Variants in CAPN1 observed in about 807,000 individuals in gnomAD.
CAPN1 encodes calpain-1 catalytic subunit.
CAPN1 carries 77 observed loss-of-function variants against 105.2 expected under a neutral mutation model. The ratio of observed to expected loss-of-function variants is 0.73; its 90% CI spans 0.61 to 0.88. The LOEUF is 0.88. CAPN1 is among the 40% of genes least tolerant of loss of function. The pLI is 0.00. For synonymous variants in CAPN1, 355 were observed against 388.8 expected (o/e 0.91, Z 1.02); for missense variants, 833 against 976.6 (o/e 0.85, Z 1.96).
At chr11:65,207,341 A>G (rs1305915455) in intron 14 of CAPN1, among the ~76,000 whole-genome samples, 1 of 151,542 alleles carries the variant, frequency 6.6e-6, no homozygotes, top group South Asian at 2.1e-4. Flanking sequence ...CTGGGATTAC[A>G]GGCGCACGTT....
At chr11:65,183,877 G>A (rs932182496) in intron 4 of CAPN1, among the ~76,000 whole-genome samples, 4 of 152,234 alleles carry the variant, frequency 2.6e-5, no homozygotes, top group South Asian at 4.1e-4. Flanking sequence ...CACTCCTCCC[G>A]GAGGTCGGTC....
chr11:65,195,698 T>G (rs764508430), intron 10 of CAPN1, among the ~76,000 whole-genome samples: 13 of 152,162 alleles, frequency 8.5e-5, no homozygotes, highest in Non-Finnish European at 1.0e-4. Context: ...GTCTGTAATC[T>G]TCTTTCCTTG....
At chr11:65,207,042 C>T (rs1194758354) in intron 14 of CAPN1, among the ~76,000 whole-genome samples, 5 of 152,170 alleles carry the variant, frequency 3.3e-5, no homozygotes, top group Admixed American at 2.0e-4. Flanking sequence ...CACCCGGTGG[C>T]GGGTTTGTGC....
upstream of CAPN1, chr11:65,181,782 C>A: frequency 8.5e-6 from 2 of 236,508 alleles, no homozygotes; most frequent in South Asian, 6.7e-5. The surrounding 1 kb of genome is among the most constrained non-coding windows in gnomAD (Gnocchi z 4.6). Flanking sequence ...GGGGAGACAC[C>A]GTGAGTAAGA....
chr11:65,210,518 G>A lies in CAPN1; in HGVS notation c.2059+66G>A, dbSNP rs1254681906. On this transcript the variant is annotated intron_variant, in intron 20 of 21. Transcript: ENST00000279247. The surrounding 1 kb of genome is among the most constrained non-coding windows in gnomAD (Gnocchi z 4.3). ...CAAACGCGTCCCCCAGGAGCTGGGG[G>A]GAATGACAGATGGGTGAATTAGCAG... is the stretch of plus-strand genomic sequence containing the variant. 2.1e-6 allele frequency: 2 copies of A among 968,258 alleles called. No individual in the cohort carries two copies. Among genetic ancestry groups the A allele is most frequent in the East Asian group, 5.1e-5 (2 of 39,440 alleles). The allele number at this position is 968,258 out of a possible 1,614,324, so 60.0% of individuals were successfully genotyped here.
chr11:65,190,823 C>T (rs1156538280), intron 10 of CAPN1, among the ~76,000 whole-genome samples: 2 of 151,786 alleles, frequency 1.3e-5, no homozygotes, highest in Non-Finnish European at 2.9e-5. Context: ...GATGATGCTT[C>T]TGCCTCAACC....
In CAPN1 at chr11:65,211,515, G is replaced by A. The variant is rs370900801; in HGVS notation, c.*229G>A. 1 of 587,594 alleles carries A rather than the reference G, an allele frequency of 1.7e-6. No individual in the cohort carries two copies. The highest frequency in any genetic ancestry group is 3.1e-6 in the Non-Finnish European group (1 of 327,000). 36.4% of individuals were successfully genotyped at this position (587,594 alleles called of 1,614,324 possible). ...CATGGGCTCGGGATGGACTCCCTGG[G>A]CCCCACCCATTGCCAAGCCAGGAAG... On this transcript the variant is annotated 3_prime_UTR_variant, in exon 22 of 22. Transcript: ENST00000279247.
Position 65,186,325 on chromosome 11 carries a change from G to A in CAPN1, c.746G>A (p.Gly249Asp), listed in dbSNP as rs1416345453. The A allele has an allele frequency of 1.2e-6, 2 of 1,612,212 alleles. No homozygotes were observed. Among genetic ancestry groups the A allele is most frequent in the Non-Finnish European group, 1.7e-6 (2 of 1,178,966 alleles). Residue 249 changes from glycine (G) to aspartate (D), a missense_variant, in exon 6 of 22, where the codon GGC (glycine) becomes GAC (aspartate). Gly to Asp is a moderately conservative substitution (Grantham distance 94). Transcript: ENST00000279247. ...LKALERGSLL[G>D]CSIDISSVLD... ...GCGCTGGAGCGGGGCTCCCTGCTGGGCTGCTCCATAGACGTGAGTGTGCCC... is the reference window on the plus strand; with the variant it reads ...GCGCTGGAGCGGGGCTCCCTGCTGGACTGCTCCATAGACGTGAGTGTGCCC...
intron 6 of CAPN1, 67 bp from the exon 7 acceptor site, chr11:65,187,148 G>A (rs1948645556): frequency 1.7e-6 from 2 of 1,179,650 alleles, no homozygotes; most frequent in Middle Eastern, 1.9e-4. Flanking sequence ...GACCCTGAGT[G>A]CTGGGGGCTC....
Position 65,209,962 on chromosome 11 carries a change from C to T in CAPN1, c.1863+45C>T, listed in dbSNP as rs548015830. ...CTCAGTCATGCAGGTGCGGGCCGGG[C>T]AGGTGGGAAGGGCCGGGTGACTCAG... is the stretch of plus-strand genomic sequence containing the variant. On this transcript the variant is annotated intron_variant, in intron 18 of 21. Transcript: ENST00000279247. The surrounding 1 kb of genome is among the most constrained non-coding windows in gnomAD (Gnocchi z 4.1). 6.2e-7 allele frequency: 1 copy of T among 1,611,496 alleles called. No homozygotes were observed. The highest frequency in any genetic ancestry group is 2.2e-5 in the East Asian group (1 of 44,874).
chr11:65,195,765 G>A (rs1445294508), intron 10 of CAPN1, among the ~76,000 whole-genome samples: 3 of 152,100 alleles, frequency 2.0e-5, no homozygotes, highest in Admixed American at 1.3e-4. Context: ...GTTAGGAAGT[G>A]TCCCCTCATC....
In CAPN1 at chr11:65,205,714, C is replaced by T. The variant is rs1948946491; in HGVS notation, c.1346C>T (p.Pro449Leu). The T allele has an allele frequency of 6.2e-7, 1 of 1,613,682 alleles. No homozygotes were observed. The highest frequency in any genetic ancestry group is 1.1e-5 in the South Asian group (1 of 91,090). The change falls in exon 12 of 22, where the codon CCT (proline) becomes CTT (leucine). Residue 449 changes from proline (P) to leucine (L), a missense_variant. Physicochemically the swap from Pro to Leu is moderately conservative, Grantham distance 98 (BLOSUM62 -3). Coordinates refer to ENST00000279247, the MANE Select transcript of CAPN1 (RefSeq NM_005186.4). ...ETIGFAVYEV[P>L]PELVGQPAVH... ...TCCCCTGTCTCTCTATTGCAGGTCC[C>T]TCCGGAGGTAGGTGTGGCACCATGA... is the stretch of plus-strand genomic sequence containing the variant.
At chr11:65,206,744 C>G in intron 13 of CAPN1, 36 bp from the exon 14 acceptor site, 1 of 1,612,180 alleles carries the variant, frequency 6.2e-7, no homozygotes, top group Non-Finnish European at 8.5e-7. Context: ...CTGCTGTCCC[C>G]CTCTGACTGG....
intron 1 of CAPN1, chr11:65,182,359 T>C: frequency 8.0e-6 from 2 of 249,184 alleles, no homozygotes; most frequent in Admixed American, 5.1e-5. Context: ...AAAGAGGCCT[T>C]CCCTGCTGTG....
intron 10 of CAPN1, among the ~76,000 whole-genome samples, chr11:65,197,656 G>A (rs1948810003): frequency 6.6e-6 from 1 of 152,124 alleles, no homozygotes; most frequent in Non-Finnish European, 1.5e-5. Context: ...GGAGGCCCAG[G>A]TGGACGGATC....
At position 65,211,243 on chromosome 11, in the gene CAPN1, T is replaced by C; in HGVS notation, c.2119-17T>C. 6.2e-7 allele frequency: 1 copy of C among 1,612,620 alleles called. No individual in the cohort carries two copies. The highest frequency in any genetic ancestry group is 8.5e-7 in the Non-Finnish European group (1 of 1,179,758). On this transcript the variant is annotated splice_polypyrimidine_tract_variant and intron_variant, in intron 21 of 21. Transcript: ENST00000279247. The stretch of plus-strand genomic sequence containing the variant: ...GCCATTTCTGCGGCCCCAGCTGACC[T>C]GCCTGTTCTCCCGCAGTGGTTGCAG...
At chr11:65,183,769 A>G (rs368305682) in intron 4 of CAPN1, 177 bp downstream of exon 4, 165 of 579,174 alleles carry the variant, frequency 2.8e-4, no homozygotes, top group African/African-American at 1.5e-3. Context: ...CTGGGCAGGT[A>G]TTTCGGCTGG....
At chr11:65,206,425 G>C in intron 12 of CAPN1, 38 bp from the exon 13 acceptor site, 2 of 1,547,580 alleles carry the variant, frequency 1.3e-6, no homozygotes, top group Non-Finnish European at 1.8e-6. Flanking sequence ...TGGGCTGAGT[G>C]GGCAGCTGCA....
At position 65,209,513 on chromosome 11, in the gene CAPN1, C is replaced by T; in HGVS notation, c.1794+126C>T. The T allele has an allele frequency of 2.4e-6, 2 of 820,892 alleles. No individual in the cohort carries two copies. The highest frequency in any genetic ancestry group is 4.1e-6 in the Non-Finnish European group (2 of 488,836). The allele number at this position is 820,892 out of a possible 1,614,324, so 50.9% of individuals were successfully genotyped here. A position where few individuals can be genotyped will look rare whatever the true frequency, so the allele number is the denominator to read the frequency against. On this transcript the variant is annotated intron_variant, in intron 17 of 21. Coordinates refer to ENST00000279247, the MANE Select transcript of CAPN1 (RefSeq NM_005186.4). The surrounding 1 kb of genome is among the most constrained non-coding windows in gnomAD (Gnocchi z 4.1). ...ATGCGGAGTGTGGACACACAGTGCC[C>T]CATGCTCAGATGTCTCCCTGGACGT...
Sources: allele counts gnomAD v4.1 joint callset (sites outside exome capture counted in the v4.1 genomes callset), GRCh38; gene constraint gnomAD v4.1.1; non-coding constraint Gnocchi (gnomAD v3.1); transcripts MANE v1.5; gene names NCBI Gene and HGNC (gene_info 2026-07-23, HGNC 2026-07-21).